The following MDGA2 variants were observed in gnomAD, a reference collection of about 807,000 sequenced individuals.
MDGA2 encodes MAM domain containing glycosylphosphatidylinositol anchor 2, also known as MAM domain-containing glycosylphosphatidylinositol anchor protein 2.
A neutral mutation model predicts 117.8 loss-of-function variants in MDGA2; 40 were observed. The ratio of observed to expected loss-of-function variants is 0.34; its 90% confidence interval spans 0.26 to 0.44. The LOEUF (loss-of-function observed/expected upper bound fraction) is 0.44, where lower values mean the gene tolerates loss of function less well. Ranked by LOEUF, MDGA2 falls within the 20% of genes least tolerant of loss-of-function variation. The pLI is 1.00. For missense variants in MDGA2, 1,123 were observed against 1,250.6 expected, an observed-to-expected ratio of 0.90 and a Z score of 1.54; for synonymous variants, 452 against 439.0, an observed-to-expected ratio of 1.03 and a Z score of -0.37.
intron 8 of MDGA2, among the ~76,000 whole-genome samples, chr14:47,020,688 C>T (rs944991285): frequency 3.3e-5 from 5 of 152,176 alleles, no homozygotes; most frequent in Non-Finnish European, 7.3e-5. Context: ...AACACACCTA[C>T]TGTGGCACTG....
At chr14:46,972,335 A>G (rs991760424) in intron 8 of MDGA2, among the ~76,000 whole-genome samples, 2 of 152,160 alleles carry the variant, frequency 1.3e-5, no homozygotes, top group African/African-American at 2.4e-5. Flanking sequence ...AATAAATCCA[A>G]TTTATTCAGT....
At chr14:47,361,024 C>G (rs1413521566) in intron 1 of MDGA2, among the ~76,000 whole-genome samples, 2 of 151,988 alleles carry the variant, frequency 1.3e-5, no homozygotes, top group Non-Finnish European at 2.9e-5. Context: ...AACATAAAAT[C>G]TATAGTCAAT....
intron 2 of MDGA2, among the ~76,000 whole-genome samples, chr14:47,297,373 C>T (rs12433937): frequency 0.093 from 13,630 of 145,910 alleles, 756 homozygotes; most frequent in Non-Finnish European, 0.11. Context: ...AAATTATTGA[C>T]GTGACAATTT....
chr14:46,989,638 A>G (rs182481026), intron 8 of MDGA2, among the ~76,000 whole-genome samples: 1 of 152,258 alleles, frequency 6.6e-6, no homozygotes, highest in African/African-American at 2.4e-5. Flanking sequence ...AGACAATATG[A>G]GATAATGGAT....
intron 6 of MDGA2, among the ~76,000 whole-genome samples, chr14:47,085,501 C>T (rs1294857632): frequency 3.9e-5 from 6 of 152,138 alleles, no homozygotes; most frequent in Non-Finnish European, 7.4e-5. Context: ...GTTGGAACCA[C>T]TTCATTCTTG....
chr14:46,898,098 G>T (rs1434699481), intron 10 of MDGA2, among the ~76,000 whole-genome samples: 1 of 151,880 alleles, frequency 6.6e-6, no homozygotes, highest in Non-Finnish European at 1.5e-5. Flanking sequence ...TAAATGAAAA[G>T]ATAAATGCAT....
intron 1 of MDGA2, among the ~76,000 whole-genome samples, chr14:47,601,130 T>C (rs1021422875): frequency 2.0e-5 from 3 of 152,198 alleles, no homozygotes; most frequent in Non-Finnish European, 4.4e-5. Flanking sequence ...GAGCACTGAC[T>C]ATGTTGTATA....
chr14:47,070,117 A>T (rs996226436), intron 6 of MDGA2, among the ~76,000 whole-genome samples: 18 of 152,276 alleles, frequency 1.2e-4, no homozygotes, highest in Admixed American at 2.0e-4. Flanking sequence ...AAATAATCAT[A>T]ATTGACTATA....
At chr14:46,975,721 T>TA (rs1009732595) in intron 8 of MDGA2, among the ~76,000 whole-genome samples, 2 of 152,218 alleles carry the variant, frequency 1.3e-5, no homozygotes, top group South Asian at 2.1e-4. Context: ...GAGTTACTAT[T>TA]AAAAAATACC....
At chr14:47,467,521 GTTT>G (rs1219590140) in intron 1 of MDGA2, among the ~76,000 whole-genome samples, 1 of 152,012 alleles carries the variant, frequency 6.6e-6, no homozygotes, top group African/African-American at 2.4e-5. Context: ...TTCTTTAAAG[GTTT>G]TGATAGCTTG....
chr14:47,590,505 G>T (rs1051025874), intron 1 of MDGA2, among the ~76,000 whole-genome samples: 2 of 151,780 alleles, frequency 1.3e-5, no homozygotes, highest in African/African-American at 4.8e-5. Context: ...TTACAGATCA[G>T]AAAAATTGGA....
chr14:46,881,501 T>C (rs1882457538), intron 11 of MDGA2, among the ~76,000 whole-genome samples: 1 of 152,128 alleles, frequency 6.6e-6, no homozygotes, highest in Non-Finnish European at 1.5e-5. Context: ...ATAATACTGA[T>C]TTTAATAATA....
chr14:47,404,704 G>C (rs1892225887), intron 1 of MDGA2, among the ~76,000 whole-genome samples: 1 of 151,924 alleles, frequency 6.6e-6, no homozygotes, highest in Admixed American at 6.6e-5. Context: ...ATGTTGCTCA[G>C]GTTGGTCTCA....
intron 1 of MDGA2, among the ~76,000 whole-genome samples, chr14:47,516,510 G>C (rs780692991): frequency 3.0e-4 from 46 of 152,168 alleles, no homozygotes; most frequent in Non-Finnish European, 3.8e-4. Flanking sequence ...TGAGTACAGA[G>C]TTTGATTCAG....
At chr14:47,463,193 AT>A (rs1419659149) in intron 1 of MDGA2, among the ~76,000 whole-genome samples, 1 of 152,204 alleles carries the variant, frequency 6.6e-6, no homozygotes, top group Non-Finnish European at 1.5e-5. Flanking sequence ...CTCAAATTAA[AT>A]TTTTATTAAA....
chr14:47,612,357 T>A (rs1415773866), intron 1 of MDGA2, among the ~76,000 whole-genome samples: 2 of 152,082 alleles, frequency 1.3e-5, no homozygotes, highest in Non-Finnish European at 2.9e-5. Context: ...ATTTAGGAGG[T>A]TACATATACT....
chr14:47,237,703 G>A (rs771678379), intron 2 of MDGA2, among the ~76,000 whole-genome samples: 6 of 151,880 alleles, frequency 4.0e-5, no homozygotes, highest in Non-Finnish European at 7.4e-5. Context: ...TCCTCATATC[G>A]AAATTCTTGA....
intron 14 of MDGA2, 88 bp downstream of exon 14, chr14:46,873,345 A>C (rs1882092206): frequency 8.1e-7 from 1 of 1,239,020 alleles, no homozygotes; most frequent in African/African-American, 1.5e-5. Context: ...TCTTTGACCA[A>C]AAATTGTTTT....
intron 1 of MDGA2, among the ~76,000 whole-genome samples, chr14:47,352,032 G>T (rs1001357529): frequency 6.6e-6 from 1 of 152,022 alleles, no homozygotes; most frequent in South Asian, 2.1e-4. Flanking sequence ...ATTCTATCCT[G>T]AGTTTTGGTT....
Sources: gnomAD v4.1 joint callset for allele counts (sites outside exome capture counted in the v4.1 genomes callset) on GRCh38, gnomAD v4.1.1 for gene constraint, MANE v1.5 for transcripts, NCBI Gene and HGNC (gene_info 2026-07-23, HGNC 2026-07-21) for gene names.